Variants in ERI1 observed in about 807,000 individuals in gnomAD.
ERI1 encodes the protein 3'-5' exoribonuclease 1.
A neutral mutation model predicts 39.7 loss-of-function variants in ERI1; 39 were observed. The observed-to-expected ratio is 0.98, with a 90% CI of 0.76 to 1.28. The LOEUF is 1.28. Among genes scored for constraint, ERI1 ranks in the 50% most tolerant of loss-of-function variants. The probability of loss-of-function intolerance (pLI) is 0.00; values close to 1 mark genes in which losing one functional copy is unlikely to be tolerated. For missense variants in ERI1, 581 were observed against 416.9 expected (o/e 1.39, Z -3.43); for synonymous variants, 204 against 149.6 (o/e 1.36, Z -2.65).
intron 3 of ERI1, among the ~76,000 whole-genome samples, chr8:9,058,790 C>T (rs917932050): frequency 1.3e-5 from 2 of 151,976 alleles, no homozygotes; most frequent in African/African-American, 4.8e-5. Flanking sequence ...TTGTTTCACA[C>T]ATCTGTGAAA....
chr8:9,023,111 C>G (rs1027264949), intron 6 of ERI1, among the ~76,000 whole-genome samples: 9 of 152,074 alleles, frequency 5.9e-5, no homozygotes, highest in African/African-American at 1.9e-4. Context: ...TAATATGTCT[C>G]TTAAGTTTTT....
intron 3 of ERI1, among the ~76,000 whole-genome samples, chr8:9,064,986 T>C (rs1798830145): frequency 2.0e-5 from 3 of 151,762 alleles, no homozygotes. Context: ...GGAGTGGGGG[T>C]CACAAGGTGC....
At chr8:9,027,810 T>C (rs896502316) in intron 6 of ERI1, among the ~76,000 whole-genome samples, 1 of 152,222 alleles carries the variant, frequency 6.6e-6, no homozygotes, top group African/African-American at 2.4e-5. Context: ...TTAGTTTGTA[T>C]GTCTATACTA....
At chr8:9,046,329 G>A (rs1056560253) in intron 3 of ERI1, among the ~76,000 whole-genome samples, 5 of 152,234 alleles carry the variant, frequency 3.3e-5, no homozygotes, top group Non-Finnish European at 7.3e-5. Context: ...GTAAAAGCCA[G>A]TCAGCAGAGA....
At chr8:9,096,113 C>A (rs1046752500) in intron 3 of ERI1, among the ~76,000 whole-genome samples, 1 of 152,202 alleles carries the variant, frequency 6.6e-6, no homozygotes, top group Non-Finnish European at 1.5e-5. Flanking sequence ...TTGGGCCATT[C>A]ATGAGGTTCA....
intron 3 of ERI1, among the ~76,000 whole-genome samples, chr8:9,070,659 G>A (rs894954729): frequency 3.3e-5 from 5 of 152,200 alleles, no homozygotes. Flanking sequence ...TGCTCATAAG[G>A]TTCAATTAGT....
intron 3 of ERI1, among the ~76,000 whole-genome samples, chr8:9,057,304 C>T (rs1798540369): frequency 6.6e-6 from 1 of 152,184 alleles, no homozygotes; most frequent in African/African-American, 2.4e-5. Context: ...GCCACTGTCC[C>T]TGGCTCCTGT....
At chr8:9,003,284 G>T in intron 1 of ERI1, 113 bp downstream of exon 1, 1 of 589,070 alleles carries the variant, frequency 1.7e-6, no homozygotes, top group Non-Finnish European at 2.5e-6. Flanking sequence ...TGCGCCCTTG[G>T]ACCCCAGCCT....
chr8:9,092,235 G>C (rs1799730070), intron 3 of ERI1, among the ~76,000 whole-genome samples: 1 of 152,170 alleles, frequency 6.6e-6, no homozygotes, highest in Non-Finnish European at 1.5e-5. Flanking sequence ...GAGATTACAG[G>C]CCTGAACCAC....
intron 3 of ERI1, among the ~76,000 whole-genome samples, chr8:9,060,213 A>T (rs113394257): frequency 1.3e-5 from 2 of 152,202 alleles, no homozygotes; most frequent in African/African-American, 4.8e-5. Flanking sequence ...CTGTTATTGG[A>T]CTGTATAGAG....
At chr8:9,018,987 A>T (rs2117242254) in intron 5 of ERI1, among the ~76,000 whole-genome samples, 1 of 152,298 alleles carries the variant, frequency 6.6e-6, no homozygotes, top group African/African-American at 2.4e-5. Context: ...CTGACCATAT[A>T]TTCTGATATA....
chr8:9,095,024 A>G (rs1799833030), intron 3 of ERI1, among the ~76,000 whole-genome samples: 1 of 152,120 alleles, frequency 6.6e-6, no homozygotes, highest in Non-Finnish European at 1.5e-5. Context: ...AAGGTGGGAT[A>G]TGAATCCTGC....
intron 3 of ERI1, among the ~76,000 whole-genome samples, chr8:9,040,261 C>T (rs938416677): frequency 6.6e-6 from 1 of 152,216 alleles, no homozygotes; most frequent in Non-Finnish European, 1.5e-5. Context: ...CACATATTCA[C>T]ATTTTGAATA....
chr8:9,012,573 C>G lies in ERI1; in HGVS notation c.498+821C>G, dbSNP rs113229405. ...AGCCTATTTCTATAATTTTCTTATC[C>G]AAAGCAGATTGAAGGTCAGTAAATT... On this transcript the variant is annotated intron_variant, in intron 3 of 6. Coordinates refer to ENST00000250263, the MANE Select transcript of ERI1 (RefSeq NM_153332.4). 2.9e-3 allele frequency among the ~76,000 whole-genome samples: 435 copies of G among 152,126 alleles called. 1 individual carries two copies. The highest frequency in any genetic ancestry group is 9.6e-3 in the African/African-American group (399 of 41,502).
chr8:9,064,562 A>C (rs1298564758), intron 3 of ERI1, among the ~76,000 whole-genome samples: 1 of 152,176 alleles, frequency 6.6e-6, no homozygotes, highest in East Asian at 1.9e-4. Flanking sequence ...TGAGAGATTG[A>C]AGGGTGGTGC....
intron 3 of ERI1, among the ~76,000 whole-genome samples, chr8:9,097,189 C>A (rs1167367247): frequency 6.6e-6 from 1 of 152,260 alleles, no homozygotes; most frequent in African/African-American, 2.4e-5. Flanking sequence ...ATCCCCAGCG[C>A]TTTCTCCCCG....
chr8:9,029,933 C>CGA lies in ERI1; in HGVS notation c.950_951dup (p.Ile318GlufsTer11). 1 of 1,614,046 alleles carries CGA rather than the reference C, an allele frequency of 6.2e-7. No individual in the cohort carries two copies. The highest frequency in any genetic ancestry group is 8.5e-7 in the Non-Finnish European group (1 of 1,180,018). On this transcript the variant is annotated frameshift_variant, in exon 7 of 7. Coordinates refer to ENST00000250263, the MANE Select transcript of ERI1 (RefSeq NM_153332.4). LOFTEE classifies it high-confidence loss of function. ...AATGCTTCAGGATGGGTGTGAACTC[C>CGA]GAATCAACGAGAAAATGCATGCAGG...
downstream of ERI1, among the ~76,000 whole-genome samples, chr8:9,034,938 G>C (rs980433856): frequency 6.6e-6 from 1 of 152,212 alleles, no homozygotes. Flanking sequence ...TACTGATATG[G>C]AGAAAGTTTT....
chr8:9,029,341 G>GT (rs1050574519), intron 6 of ERI1, among the ~76,000 whole-genome samples: 3 of 151,940 alleles, frequency 2.0e-5, no homozygotes, highest in Non-Finnish European at 2.9e-5. Flanking sequence ...AAATTTCAGG[G>GT]TTTTTTTGAT....
Sources: gnomAD v4.1 joint callset for allele counts (sites outside exome capture counted in the v4.1 genomes callset) on GRCh38, gnomAD v4.1.1 for gene constraint, MANE v1.5 for transcripts, NCBI Gene and HGNC (gene_info 2026-07-23, HGNC 2026-07-21) for gene names.